RADIL: variants seen among roughly 807,000 people sequenced by gnomAD.
RADIL encodes the protein ras-associating and dilute domain-containing protein.
A neutral mutation model predicts 97.6 loss-of-function variants in RADIL; 99 were observed. The ratio of observed to expected loss-of-function variants is 1.01; its 90% CI spans 0.86 to 1.20. The LOEUF (loss-of-function observed/expected upper bound fraction) is 1.20. Ranked by LOEUF, RADIL falls within the 50% of genes most tolerant of loss-of-function variation. The probability of loss-of-function intolerance (pLI) is 0.00; values close to 1 mark genes in which losing one functional copy is unlikely to be tolerated. For synonymous variants in RADIL, 803 were observed against 691.8 expected (o/e 1.16, Z -2.52); for missense variants, 1,765 against 1,498.9 (o/e 1.18, Z -2.93).
rs1001515991 is a variant in RADIL, at chr7:4,824,965, T to G, written c.1455-2411A>C. 6.6e-6 allele frequency among the ~76,000 whole-genome samples: 1 copy of G among 152,014 alleles called. No individual in the cohort carries two copies. The highest frequency in any genetic ancestry group is 2.4e-5 in the African/African-American group (1 of 41,390). On this transcript the variant is annotated intron_variant, in intron 5 of 14. Coordinates refer to ENST00000399583, the MANE Select transcript of RADIL (RefSeq NM_018059.5). The surrounding 1 kb of genome is among the most constrained non-coding windows in gnomAD (Gnocchi z 6.7). ...GTTTCGGGATCAGACTCGGGCCAGG[T>G]TGGCACTGAACGCGCCCCCACCTGC... is the stretch of plus-strand genomic sequence containing the variant.
In RADIL at chr7:4,859,709, G is replaced by T. The variant is rs1271083669; in HGVS notation, c.535+17896C>A. On this transcript the variant is annotated intron_variant, in intron 2 of 14. Transcript: ENST00000399583. ...TACTGAATTCTTGATAACAGGAATT[G>T]GATTTGCAGGGAGAACAGGGATACC... The T allele has an allele frequency of 8.5e-6, 5 of 587,666 alleles. No homozygotes were observed. The African/African-American group carries it at 9.3e-5, about 11-fold the overall frequency. The allele number at this position is 587,666 out of a possible 1,614,324, so 36.4% of individuals were successfully genotyped here.
At chr7:4,851,095 C>CT (rs1447411183) in intron 2 of RADIL, among the ~76,000 whole-genome samples, 1 of 151,580 alleles carries the variant, frequency 6.6e-6, no homozygotes, top group Non-Finnish European at 1.5e-5. Flanking sequence ...ATCCCAGCTA[C>CT]TTAGGAGGCT....
chr7:4,799,606 C>T (rs767660684), intron 14 of RADIL, 24 bp downstream of exon 14: 15 of 1,605,416 alleles, frequency 9.3e-6, no homozygotes, highest in Middle Eastern at 3.3e-4. Flanking sequence ...GAGAAGGGGC[C>T]GGGCGTGCAT....
In RADIL at chr7:4,849,568, C is replaced by G. The variant is rs1783659292; in HGVS notation, c.536-12963G>C. On this transcript the variant is annotated intron_variant, in intron 2 of 14. Transcript: ENST00000399583. This position sits in a 1 kb window ranked among gnomAD's most constrained non-coding sequence, Gnocchi z 5.4. The stretch of plus-strand genomic sequence containing the variant: ...ACATTTCAGTTCATTCAGGACCATC[C>G]AAGGCATGAACATGCCTTCCAGCTG... Among the ~76,000 whole-genome samples, 1 of 152,086 alleles carries G rather than the reference C, an allele frequency of 6.6e-6. No individual in the cohort carries two copies. The highest frequency in any genetic ancestry group is 1.5e-5 in the Non-Finnish European group (1 of 68,020).
At chr7:4,811,862 TAATC>T (rs1161312577) in intron 9 of RADIL, among the ~76,000 whole-genome samples, 3 of 151,982 alleles carry the variant, frequency 2.0e-5, no homozygotes, top group South Asian at 2.1e-4. Context: ...GGGAAAATGT[TAATC>T]AATTTAATTT....
In RADIL at chr7:4,819,485, G is replaced by T; in HGVS notation, c.1616-2134C>A. On this transcript the variant is annotated intron_variant, in intron 6 of 14. Coordinates refer to ENST00000399583, the MANE Select transcript of RADIL (RefSeq NM_018059.5). This position sits in a 1 kb window ranked among gnomAD's most constrained non-coding sequence, Gnocchi z 5.8. Reference sequence around the variant, plus strand: ...GAGGACACACCAGCCGGCTGCCCCTGCCCTGCCCCGAAACTCCAGGACCCC... The same window carrying T: ...GAGGACACACCAGCCGGCTGCCCCTTCCCTGCCCCGAAACTCCAGGACCCC... Among the ~76,000 whole-genome samples, 1 of 152,056 alleles carries T rather than the reference G, an allele frequency of 6.6e-6. No homozygotes were observed. The highest frequency in any genetic ancestry group is 1.5e-5 in the Non-Finnish European group (1 of 68,014).
intron 1 of RADIL, among the ~76,000 whole-genome samples, chr7:4,881,444 T>C (rs1784485037): frequency 8.0e-6 from 1 of 125,090 alleles, no homozygotes; most frequent in Non-Finnish European, 1.7e-5. Context: ...AGACAAAAAT[T>C]GGCTGGGCAT....
Position 4,799,314 on chromosome 7 carries a change from A to T in RADIL, c.*64T>A, listed in dbSNP as rs898528794. The T allele has an allele frequency of 6.6e-7, 1 of 1,524,742 alleles. No homozygotes were observed. The highest frequency in any genetic ancestry group is 9.1e-7 in the Non-Finnish European group (1 of 1,103,202). The allele number at this position is 1,524,742 out of a possible 1,614,324, so 94.5% of individuals were successfully genotyped here. A position where few individuals can be genotyped will look rare whatever the true frequency, so the allele number is the denominator to read the frequency against. On this transcript the variant is annotated 3_prime_UTR_variant, in exon 15 of 15. Coordinates refer to ENST00000399583, the MANE Select transcript of RADIL (RefSeq NM_018059.5). Reference sequence around the variant, plus strand: ...GTTACAAAACAGGGACGAAGGCGGGAGGAAGCCCAGTGTCACCAGGTGGGA... The same window carrying T: ...GTTACAAAACAGGGACGAAGGCGGGTGGAAGCCCAGTGTCACCAGGTGGGA...
In RADIL at chr7:4,814,004, C is replaced by T. The variant is rs899303301; in HGVS notation, c.2139+1274G>A. Among the ~76,000 whole-genome samples the T allele has an allele frequency of 6.6e-6, 1 of 152,090 alleles. No homozygotes were observed. The highest frequency in any genetic ancestry group is 2.4e-5 in the African/African-American group (1 of 41,414). On this transcript the variant is annotated intron_variant, in intron 9 of 14. Coordinates refer to ENST00000399583, the MANE Select transcript of RADIL (RefSeq NM_018059.5). This position sits in a 1 kb window ranked among gnomAD's most constrained non-coding sequence, Gnocchi z 4.5. ...TGTGTTGCCCAGGCTGGTCTCAAAC[C>T]AATGGCCTCAAGTGATCCTCCCACC...
chr7:4,798,580 C>T lies in RADIL; in HGVS notation c.*798G>A, dbSNP rs1287486421. 1 of 152,728 alleles carries T rather than the reference C, an allele frequency of 6.5e-6. No homozygotes were observed. The highest frequency in any genetic ancestry group is 1.5e-5 in the Non-Finnish European group (1 of 68,104). The allele number at this position is 152,728 out of a possible 1,614,324, so 9.5% of individuals were successfully genotyped here. On this transcript the variant is annotated 3_prime_UTR_variant, in exon 15 of 15. Coordinates refer to ENST00000399583, the MANE Select transcript of RADIL (RefSeq NM_018059.5). The stretch of plus-strand genomic sequence containing the variant: ...GCCCTGCCCTGGTCCTGCGCATGGT[C>T]AGCCAGCTGGTGGAGAGGGACGCTG...
intron 2 of RADIL, among the ~76,000 whole-genome samples, chr7:4,856,127 T>A (rs1783824614): frequency 6.8e-6 from 1 of 147,534 alleles, no homozygotes; most frequent in South Asian, 2.1e-4. Context: ...TTAGACAGAC[T>A]CTCACCGTCA....
chr7:4,861,118 C>T, intron 2 of RADIL: 4 of 1,614,156 alleles, frequency 2.5e-6, no homozygotes, highest in Non-Finnish European at 3.4e-6. Context: ...GGCACTTGGC[C>T]CACAGTTTGA....
chr7:4,871,860 G>A (rs1296414640), intron 2 of RADIL, among the ~76,000 whole-genome samples: 1 of 152,198 alleles, frequency 6.6e-6, no homozygotes, highest in East Asian at 1.9e-4. Flanking sequence ...TGAGTGCTGG[G>A]GTGGTGTTCC....
intron 2 of RADIL, among the ~76,000 whole-genome samples, chr7:4,853,738 G>C (rs571938742): frequency 3.4e-5 from 3 of 88,170 alleles, no homozygotes; most frequent in African/African-American, 2.0e-4. Context: ...GTGAAACTCT[G>C]TCTCAAAAAA....
chr7:4,832,300 GCTGA>G (rs1170419151), intron 4 of RADIL, 122 bp from the exon 5 acceptor site: 14 of 920,730 alleles, frequency 1.5e-5, no homozygotes, highest in Middle Eastern at 4.3e-4. Context: ...CCTGTGTGAC[GCTGA>G]CTATTTATTC....
Position 4,837,021 on chromosome 7 carries a change from ATGCCGTTAC to A in RADIL, c.536-425_536-417del, listed in dbSNP as rs1239382336. On this transcript the variant is annotated intron_variant, in intron 2 of 14. Coordinates refer to ENST00000399583, the MANE Select transcript of RADIL (RefSeq NM_018059.5). This position sits in a 1 kb window ranked among gnomAD's most constrained non-coding sequence, Gnocchi z 5.6. ...AAATCCCACTAAGCCACGTCTCCTA[ATGCCGTTAC>A]TGTTCTGTCAAAACAGGTCTGGTGG... Among the ~76,000 whole-genome samples, 1 of 152,080 alleles carries A rather than the reference ATGCCGTTAC, an allele frequency of 6.6e-6. No individual in the cohort carries two copies. The highest frequency in any genetic ancestry group is 6.6e-5 in the Admixed American group (1 of 15,258).
chr7:4,861,475 G>A lies in RADIL; in HGVS notation c.535+16130C>T, dbSNP rs564960798. ...CAACGCACAAGGCGTCAATATCTGCGCCTTTCGTATGTACTCCTAATCTGT... is the reference window on the plus strand; with the variant it reads ...CAACGCACAAGGCGTCAATATCTGCACCTTTCGTATGTACTCCTAATCTGT... On this transcript the variant is annotated intron_variant, in intron 2 of 14. Transcript: ENST00000399583. The A allele has an allele frequency of 1.1e-5, 18 of 1,614,038 alleles. No individual in the cohort carries two copies. The Admixed American group carries it at 1.7e-4, about 15-fold the overall frequency.
Position 4,799,248 on chromosome 7 carries a change from T to TC in RADIL, c.*129dup. ...GAGATGCATGTTATCAACAGGCATG[T>TC]CCCCAGGGTGAGGCTCCCCACCCGG... On this transcript the variant is annotated 3_prime_UTR_variant, in exon 15 of 15. Coordinates refer to ENST00000399583, the MANE Select transcript of RADIL (RefSeq NM_018059.5). The TC allele has an allele frequency of 1.4e-6, 1 of 723,322 alleles. No homozygotes were observed. Among genetic ancestry groups the TC allele is most frequent in the East Asian group, 2.7e-5 (1 of 37,366 alleles). The allele number at this position is 723,322 out of a possible 1,614,324, so 44.8% of individuals were successfully genotyped here.
At chr7:4,800,425 T>G in intron 12 of RADIL, 115 bp from the exon 13 acceptor site, 2 of 1,142,614 alleles carry the variant, frequency 1.8e-6, no homozygotes, top group Non-Finnish European at 2.3e-6. Flanking sequence ...TGGCCTCCTG[T>G]GGCTCCCAGG....
Sources: allele counts gnomAD v4.1 joint callset (sites outside exome capture counted in the v4.1 genomes callset), GRCh38; gene constraint gnomAD v4.1.1; non-coding constraint Gnocchi (gnomAD v3.1); transcripts MANE v1.5; gene names NCBI Gene and HGNC (gene_info 2026-07-23, HGNC 2026-07-21).